UFL1: variants seen among roughly 807,000 people sequenced by gnomAD.
UFL1 encodes the protein UFM1 specific ligase 1.
A neutral mutation model predicts 99.3 loss-of-function variants in UFL1; 78 were observed. That is an observed-to-expected ratio of 0.79 (90% CI 0.65 to 0.95). The LOEUF (loss-of-function observed/expected upper bound fraction) is 0.95, where lower values mean the gene tolerates loss of function less well. Among genes scored for constraint, UFL1 ranks in the 40% least tolerant of loss-of-function variants. UFL1 has a pLI of 0.00. For missense variants in UFL1, 936 were observed against 937.0 expected, an observed-to-expected ratio of 1.00 and a Z score of 0.01; for synonymous variants, 335 against 322.2, an observed-to-expected ratio of 1.04 and a Z score of -0.42.
chr6:96,546,275 CAAAA>C (rs201825366), intron 12 of UFL1, among the ~76,000 whole-genome samples: 3,693 of 107,580 alleles, frequency 0.034, 54 homozygotes, highest in Non-Finnish European at 0.041. Flanking sequence ...TTAATAGCTA[CAAAA>C]AAAAAAAAAA....
chr6:96,537,264 A>G (rs964265829), intron 8 of UFL1, 110 bp from the exon 9 acceptor site: 9 of 846,426 alleles, frequency 1.1e-5, no homozygotes, highest in Admixed American at 1.0e-4. Flanking sequence ...GGAGTTAAGA[A>G]GGTAGACATC....
rs370044346 is a variant in UFL1 at position 96,538,734 on chromosome 6, C to A, written c.1082C>A (p.Thr361Asn). 2.5e-6 allele frequency: 4 copies of A among 1,611,320 alleles called. No homozygotes were observed. Among genetic ancestry groups the A allele is most frequent in the Non-Finnish European group, 3.4e-6 (4 of 1,178,352 alleles). The change falls in exon 10 of 19, where the codon ACT (threonine) becomes AAT (asparagine). Residue 361 changes from threonine (T) to asparagine (N), a missense_variant. Physicochemically the swap from Thr to Asn is moderately conservative, Grantham distance 65. Coordinates refer to ENST00000369278, the MANE Select transcript of UFL1 (RefSeq NM_015323.5). ...KQASTVVFSD[T>N]VVVSEKFIND... Reference sequence around the variant, plus strand: ...GCCTCAACTGTAGTCTTTAGCGACACTGTTGTAGTCAGTGAAAAATTTATA... The same window carrying A: ...GCCTCAACTGTAGTCTTTAGCGACAATGTTGTAGTCAGTGAAAAATTTATA...
chr6:96,545,400 C>T (rs996987114), intron 12 of UFL1, among the ~76,000 whole-genome samples: 11 of 150,888 alleles, frequency 7.3e-5, no homozygotes, highest in African/African-American at 1.5e-4. Flanking sequence ...ACAGTAGCTG[C>T]ATACAAACTT....
chr6:96,535,925 T>C (rs1027172356), intron 7 of UFL1, among the ~76,000 whole-genome samples: 4 of 152,052 alleles, frequency 2.6e-5, no homozygotes, highest in African/African-American at 9.7e-5. Context: ...AATTATGAGA[T>C]AGATAATGGC....
At chr6:96,540,735 C>G (rs1195246912) in intron 11 of UFL1, 80 bp downstream of exon 11, 1 of 1,479,688 alleles carries the variant, frequency 6.8e-7, no homozygotes, top group African/African-American at 1.5e-5. Context: ...TTATTATGCC[C>G]TTTGAAAGGC....
Position 96,523,075 on chromosome 6 carries a change from C to A in UFL1, c.78-71C>A, listed in dbSNP as rs1303396295. 6.3e-6 allele frequency: 9 copies of A among 1,421,670 alleles called. No individual in the cohort carries two copies. In the South Asian group the frequency reaches 1.3e-4, roughly 21 times the overall value. The allele number at this position is 1,421,670 out of a possible 1,614,324, so 88.1% of individuals were successfully genotyped here. On this transcript the variant is annotated intron_variant, in intron 1 of 18. Transcript: ENST00000369278. ...AACTTTTTAAAAGCCTGTTTTCATA[C>A]ATTGTATTAATTTTATTGAGCGCCA...
chr6:96,550,709 G>T (rs546635460), intron 15 of UFL1, among the ~76,000 whole-genome samples: 1 of 151,928 alleles, frequency 6.6e-6, no homozygotes, highest in Non-Finnish European at 1.5e-5. Flanking sequence ...CAGTTGTCTA[G>T]ACAGTTTCAT....
At chr6:96,526,530 C>T in intron 5 of UFL1, 95 bp downstream of exon 5, 1 of 961,304 alleles carries the variant, frequency 1.0e-6, no homozygotes, top group Non-Finnish European at 1.6e-6. Flanking sequence ...GAGACTTCCT[C>T]ACCATCATTT....
intron 6 of UFL1, among the ~76,000 whole-genome samples, chr6:96,532,780 T>G (rs147903344): frequency 3.0e-3 from 450 of 152,286 alleles, no homozygotes; most frequent in African/African-American, 0.01. Context: ...CAAATAAACC[T>G]TTTTTCTTTG....
chr6:96,536,761 T>C (rs1769859970), intron 8 of UFL1, among the ~76,000 whole-genome samples: 1 of 151,790 alleles, frequency 6.6e-6, no homozygotes, highest in Non-Finnish European at 1.5e-5. Context: ...TTTTTAATTA[T>C]AAAAGTAATT....
rs569287256 is a variant in UFL1 at position 96,525,342 on chromosome 6, A to G, written c.298A>G (p.Ile100Val). 4.3e-6 allele frequency: 7 copies of G among 1,610,806 alleles called. No homozygotes were observed. In the South Asian group the frequency reaches 6.6e-5, roughly 15 times the overall value. ...TCATATTGAAAATAGAATTGGTGAC[A>G]TTATTAAATCAGAAAAGCATGTTCA... is the stretch of plus-strand genomic sequence containing the variant. Reference protein sequence around the residue: ...LIHIENRIGDIIKSEKHVQLV... With the variant: ...LIHIENRIGDVIKSEKHVQLV... The change falls in exon 4 of 19, where the codon ATT becomes GTT. Residue 100 changes from isoleucine to valine, a missense_variant. Physicochemically the swap from Ile to Val is conservative, Grantham distance 29 (BLOSUM62 3). Transcript: ENST00000369278.
In UFL1 at chr6:96,549,320, T is replaced by A. The variant is rs536663251; in HGVS notation, c.1521-92T>A. ...TGCATAAAAAAATAGAGATTTCTAT[T>A]CTTAAGCCTTATTTCCATAGAAACA... is the stretch of plus-strand genomic sequence containing the variant. On this transcript the variant is annotated intron_variant, in intron 13 of 18. Transcript: ENST00000369278. The A allele has an allele frequency of 1.5e-5, 15 of 1,013,056 alleles. No homozygotes were observed. The African/African-American group carries it at 2.1e-4, about 14-fold the overall frequency. 62.8% of individuals were successfully genotyped at this position (1,013,056 alleles called of 1,614,324 possible).
intron 12 of UFL1, among the ~76,000 whole-genome samples, chr6:96,546,881 TA>T (rs1273890427): frequency 6.6e-6 from 1 of 151,476 alleles, no homozygotes; most frequent in East Asian, 1.9e-4. Flanking sequence ...CATGAAACTG[TA>T]AAAATCCTAG....
intron 6 of UFL1, among the ~76,000 whole-genome samples, chr6:96,532,588 G>C (rs1248845541): frequency 6.6e-6 from 1 of 152,226 alleles, no homozygotes; most frequent in East Asian, 1.9e-4. Context: ...GTTCTCAAGA[G>C]AGTATATTGT....
chr6:96,546,898 A>G (rs1770008910), intron 12 of UFL1, among the ~76,000 whole-genome samples: 1 of 151,678 alleles, frequency 6.6e-6, no homozygotes, highest in African/African-American at 2.4e-5. Context: ...CCTAGAAGAA[A>G]ACCTAGGAAA....
At chr6:96,537,633 C>T in intron 9 of UFL1, 84 bp downstream of exon 9, 5 of 1,340,826 alleles carry the variant, frequency 3.7e-6, no homozygotes, top group East Asian at 2.7e-5. Flanking sequence ...AATTAGGATA[C>T]ATAAAGGTGG....
At chr6:96,534,228 GT>G in intron 6 of UFL1, 34 bp from the exon 7 acceptor site, 1 of 1,354,992 alleles carries the variant, frequency 7.4e-7, no homozygotes, top group Non-Finnish European at 9.9e-7. Context: ...ACTATAATGA[GT>G]AAGAAGTTTT....
At position 96,521,852 on chromosome 6, in the gene UFL1, G is replaced by T. The variant is rs773390018; in HGVS notation, c.-22G>T. The T allele has an allele frequency of 2.6e-5, 41 of 1,607,562 alleles. No individual in the cohort carries two copies. In the Admixed American group the frequency reaches 6.7e-4, roughly 26 times the overall value. On this transcript the variant is annotated 5_prime_UTR_variant, in exon 1 of 19. Coordinates refer to ENST00000369278, the MANE Select transcript of UFL1 (RefSeq NM_015323.5). ...GCTGACGTGTCTGCAGTTCCTCCGCGTCTACTGCGAGTCAGGCCGTGATGG... is the reference window on the plus strand; with the variant it reads ...GCTGACGTGTCTGCAGTTCCTCCGCTTCTACTGCGAGTCAGGCCGTGATGG...
chr6:96,528,146 C>T (rs536200829), intron 5 of UFL1, among the ~76,000 whole-genome samples: 1 of 152,188 alleles, frequency 6.6e-6, no homozygotes, highest in Non-Finnish European at 1.5e-5. Flanking sequence ...TGTCTTGGCT[C>T]TCTATATATT....
Sources: gnomAD v4.1 joint callset for allele counts (sites outside exome capture counted in the v4.1 genomes callset) on GRCh38, gnomAD v4.1.1 for gene constraint, MANE v1.5 for transcripts, NCBI Gene and HGNC (gene_info 2026-07-23, HGNC 2026-07-21) for gene names.